The following RXRA variants were observed in gnomAD, a reference collection of about 807,000 sequenced individuals.
RXRA encodes retinoic acid receptor RXR-alpha.
Under a neutral mutation model 44.5 loss-of-function variants are expected in RXRA, and 5 were observed. That is an observed-to-expected ratio of 0.11 (90% CI 0.06 to 0.24). The LOEUF is 0.24. RXRA is among the 10% of genes least tolerant of loss of function. The pLI, the probability that RXRA is intolerant of heterozygous loss-of-function variation, is 1.00. For missense variants in RXRA, 412 were observed against 646.5 expected, an observed-to-expected ratio of 0.64 and a Z score of 3.93; for synonymous variants, 291 against 271.4, an observed-to-expected ratio of 1.07 and a Z score of -0.71.
chr9:134,332,440 G>A (rs969657827), intron 1 of RXRA, among the ~76,000 whole-genome samples: 1 of 152,014 alleles, frequency 6.6e-6, no homozygotes, highest in Admixed American at 6.5e-5. Context: ...TGGCTGGGGA[G>A]GCGGGGATTG....
chr9:134,408,768 G>C (rs1259338064), intron 3 of RXRA, among the ~76,000 whole-genome samples, 172 bp from the exon 4 acceptor site: 1 of 152,238 alleles, frequency 6.6e-6, no homozygotes, highest in Non-Finnish European at 1.5e-5. Flanking sequence ...GTCCTCGGAG[G>C]AGCAGAGAGA....
chr9:134,356,624 C>T (rs1313057840), intron 1 of RXRA, among the ~76,000 whole-genome samples: 2 of 152,252 alleles, frequency 1.3e-5, no homozygotes, highest in Admixed American at 1.3e-4. Flanking sequence ...TGGCCCGGTG[C>T]ACTGAGCACC....
At chr9:134,425,901 C>T (rs959622261) in intron 6 of RXRA, 3 of 985,250 alleles carry the variant, frequency 3.0e-6, no homozygotes, top group Non-Finnish European at 3.6e-6. Flanking sequence ...CCTTGTGCTG[C>T]GGAAGTGGTG....
At chr9:134,364,794 C>T (rs145121592) in intron 1 of RXRA, among the ~76,000 whole-genome samples, 5 of 152,314 alleles carry the variant, frequency 3.3e-5, no homozygotes, top group Non-Finnish European at 4.4e-5. Context: ...CCCCTGCTGA[C>T]GTTAGGGCTG....
rs1831443812 is a variant in RXRA at position 134,426,974 on chromosome 9, G to A, written c.911-2134G>A. On this transcript the variant is annotated intron_variant, in intron 6 of 9. Transcript: ENST00000481739. This position sits in a 1 kb window ranked among gnomAD's most constrained non-coding sequence, Gnocchi z 4.6. ...TCAGACCCAGTGCCTCTCAGCCTGG[G>A]AAAACCTGACGGGCTGAGCCGTAGG... 1.0e-6 allele frequency: 1 copy of A among 985,302 alleles called. No homozygotes were observed. Among genetic ancestry groups the A allele is most frequent in the Non-Finnish European group, 1.2e-6 (1 of 829,876 alleles). The allele number at this position is 985,302 out of a possible 1,614,324, so 61.0% of individuals were successfully genotyped here. A position where few individuals can be genotyped will look rare whatever the true frequency, so the allele number is the denominator to read the frequency against.
Position 134,418,516 on chromosome 9 carries a change from T to C in RXRA, c.780+1189T>C, listed in dbSNP as rs554763031. On this transcript the variant is annotated intron_variant, in intron 5 of 9. Coordinates refer to ENST00000481739, the MANE Select transcript of RXRA (RefSeq NM_002957.6). Reference sequence around the variant, plus strand: ...ACACCAGCCTGCCCTCCGTGCTGGGTGCGCCCTGCAGGTCACTGTCTCCCC... The same window carrying C: ...ACACCAGCCTGCCCTCCGTGCTGGGCGCGCCCTGCAGGTCACTGTCTCCCC... Among the ~76,000 whole-genome samples, 5 of 152,248 alleles carry C rather than the reference T, an allele frequency of 3.3e-5. No homozygotes were observed. The South Asian group carries it at 1.0e-3, about 32-fold the overall frequency.
chr9:134,354,215 G>C (rs1381447995), intron 1 of RXRA, among the ~76,000 whole-genome samples: 1 of 152,192 alleles, frequency 6.6e-6, no homozygotes, highest in Non-Finnish European at 1.5e-5. Flanking sequence ...GGGCTGTGGG[G>C]CACTTCTGCG....
At chr9:134,416,418 C>T (rs779761804) in intron 4 of RXRA, among the ~76,000 whole-genome samples, 13 of 152,132 alleles carry the variant, frequency 8.5e-5, no homozygotes, top group Admixed American at 3.3e-4. Context: ...TCATAATGCT[C>T]GGCTTCTGGT....
At chr9:134,348,161 C>T (rs928968484) in intron 1 of RXRA, among the ~76,000 whole-genome samples, 2 of 152,076 alleles carry the variant, frequency 1.3e-5, no homozygotes, top group South Asian at 2.1e-4. Context: ...GGGTGCCAGG[C>T]GCGGCAGTTG....
chr9:134,408,380 C>G (rs982679778), intron 3 of RXRA, 81 bp downstream of exon 3: 2 of 1,436,520 alleles, frequency 1.4e-6, no homozygotes, highest in African/African-American at 2.9e-5. Context: ...CCCAAATCAC[C>G]CTCCTGTGGG....
chr9:134,425,735 G>A (rs1293009209), intron 6 of RXRA: 1 of 985,260 alleles, frequency 1.0e-6, no homozygotes, highest in African/African-American at 1.7e-5. Flanking sequence ...CACAGGGTAA[G>A]CCAGGCTGGG....
At chr9:134,370,269 C>T (rs1166005638) in intron 1 of RXRA, among the ~76,000 whole-genome samples, 1 of 152,166 alleles carries the variant, frequency 6.6e-6, no homozygotes. Flanking sequence ...ACTGGCTCCG[C>T]CGCTGCTGGG....
intron 1 of RXRA, among the ~76,000 whole-genome samples, chr9:134,385,686 A>T (rs533157004): frequency 1.3e-5 from 2 of 151,720 alleles, no homozygotes; most frequent in Admixed American, 6.6e-5. Flanking sequence ...CCAGGCCACC[A>T]CTCCAGGCCA....
At position 134,394,804 on chromosome 9, in the gene RXRA, G is replaced by A. The variant is rs568712686; in HGVS notation, c.29-6828G>A. ...GAAACTGGACAAGGTCCCCACCATG[G>A]GGGCCTCTTGGGCTGGGAGGGCAGA... On this transcript the variant is annotated intron_variant, in intron 1 of 9. Coordinates refer to ENST00000481739, the MANE Select transcript of RXRA (RefSeq NM_002957.6). Among the ~76,000 whole-genome samples, 12 of 152,318 alleles carry A rather than the reference G, an allele frequency of 7.9e-5. No individual in the cohort carries two copies. The South Asian group carries it at 2.3e-3, about 29-fold the overall frequency.
intron 9 of RXRA, 152 bp downstream of exon 9, chr9:134,434,359 C>T: frequency 1.6e-6 from 1 of 610,428 alleles, no homozygotes; most frequent in South Asian, 1.9e-5. Flanking sequence ...AGCAGGAGGT[C>T]CTCCAGGCCA....
rs556723430 is a variant in RXRA at position 134,399,381 on chromosome 9, C to T, written c.29-2251C>T. Among the ~76,000 whole-genome samples the T allele has an allele frequency of 2.0e-5, 3 of 152,362 alleles. No homozygotes were observed. The South Asian group carries it at 6.2e-4, about 32-fold the overall frequency. ...GTGGTGGTAGCTTCTCCAAGAGTTG[C>T]AGGAATCAGTAACATCAGGTTATGC... On this transcript the variant is annotated intron_variant, in intron 1 of 9. Coordinates refer to ENST00000481739, the MANE Select transcript of RXRA (RefSeq NM_002957.6).
chr9:134,339,697 G>T (rs1160224708), intron 1 of RXRA, among the ~76,000 whole-genome samples: 1 of 150,618 alleles, frequency 6.6e-6, no homozygotes, highest in African/African-American at 2.5e-5. Flanking sequence ...GTGTCTCTGT[G>T]TGTGTGCCTG....
At chr9:134,379,304 C>G in intron 1 of RXRA, 10 of 987,034 alleles carry the variant, frequency 1.0e-5, no homozygotes, top group Non-Finnish European at 1.2e-5. Flanking sequence ...CACAGATGCC[C>G]TGTGCATGGG....
At chr9:134,339,675 C>CTG (rs140800130) in intron 1 of RXRA, among the ~76,000 whole-genome samples, 2,330 of 131,138 alleles carry the variant, frequency 0.018, 24 homozygotes, top group African/African-American at 0.028. Context: ...GTGTGTGAGC[C>CTG]TGTGTGTGTG....
Sources: gnomAD v4.1 joint callset for allele counts (sites outside exome capture counted in the v4.1 genomes callset) on GRCh38, gnomAD v4.1.1 for gene constraint, Gnocchi (gnomAD v3.1) non-coding constraint, MANE v1.5 for transcripts, NCBI Gene and HGNC (gene_info 2026-07-23, HGNC 2026-07-21) for gene names.